Variants in DPP6 observed in about 807,000 individuals in gnomAD.
DPP6 encodes dipeptidyl peptidase like 6.
A neutral mutation model predicts 122.6 loss-of-function variants in DPP6; 69 were observed. The observed-to-expected ratio is 0.56, with a 90% CI of 0.46 to 0.69. The LOEUF (loss-of-function observed/expected upper bound fraction) is 0.69, where lower values mean the gene tolerates loss of function less well. DPP6 is among the 30% of genes least tolerant of loss of function. The pLI is 0.00. For missense variants in DPP6, 928 were observed against 1,116.9 expected, an observed-to-expected ratio of 0.83 and a Z score of 2.41; for synonymous variants, 418 against 433.1, an observed-to-expected ratio of 0.97 and a Z score of 0.43.
intron 1 of DPP6, among the ~76,000 whole-genome samples, chr7:154,397,868 C>T (rs888703430): frequency 6.6e-6 from 1 of 151,726 alleles, no homozygotes; most frequent in Non-Finnish European, 1.5e-5. Flanking sequence ...CTAATAAACA[C>T]CACTCTTTCC....
chr7:154,491,907 C>G (rs957021411), intron 3 of DPP6, among the ~76,000 whole-genome samples: 1 of 152,136 alleles, frequency 6.6e-6, no homozygotes, highest in Non-Finnish European at 1.5e-5. Context: ...GTTCCAGGAA[C>G]TTAATCTCTT....
At chr7:154,471,589 C>G (rs1822281226) in intron 2 of DPP6, among the ~76,000 whole-genome samples, 1 of 151,944 alleles carries the variant, frequency 6.6e-6, no homozygotes, top group South Asian at 2.1e-4. Flanking sequence ...AGAGCTGTTA[C>G]CTAGACAGAA....
intron 1 of DPP6, among the ~76,000 whole-genome samples, chr7:154,375,474 T>A (rs143355101): frequency 4.6e-3 from 707 of 152,228 alleles, no homozygotes; most frequent in Non-Finnish European, 6.7e-3. Flanking sequence ...GGTCCTAACC[T>A]CCACTGTGCT....
chr7:154,648,631 C>A (rs1002506514), intron 6 of DPP6, among the ~76,000 whole-genome samples: 1 of 152,042 alleles, frequency 6.6e-6, no homozygotes, highest in African/African-American at 2.4e-5. Context: ...ATAAAAATCA[C>A]GCTTTCGGCC....
chr7:154,770,379 A>C (rs1587086106), intron 9 of DPP6, among the ~76,000 whole-genome samples: 1 of 152,168 alleles, frequency 6.6e-6, no homozygotes, highest in Non-Finnish European at 1.5e-5. Flanking sequence ...ACCTGCTCCC[A>C]TGATTCAATT....
At chr7:153,925,548 A>T (rs1191331169) in intron 1 of DPP6, among the ~76,000 whole-genome samples, 1 of 151,750 alleles carries the variant, frequency 6.6e-6, no homozygotes, top group African/African-American at 2.4e-5. Context: ...CGAGGTTCTG[A>T]TGAGGGGAGA....
intron 1 of DPP6, among the ~76,000 whole-genome samples, chr7:154,341,187 C>T (rs1809895004): frequency 6.6e-6 from 1 of 152,090 alleles, no homozygotes. Flanking sequence ...CTGATGATGC[C>T]AAATAGGGTT....
intron 3 of DPP6, among the ~76,000 whole-genome samples, chr7:154,510,810 A>G (rs189312237): frequency 8.5e-5 from 13 of 152,242 alleles, no homozygotes; most frequent in African/African-American, 2.9e-4. Flanking sequence ...ACTAAATTAT[A>G]TACCTAACTG....
intron 12 of DPP6, among the ~76,000 whole-genome samples, chr7:154,800,418 A>C: frequency 6.6e-6 from 1 of 152,184 alleles, no homozygotes; most frequent in East Asian, 1.9e-4. Flanking sequence ...TACATCTCGC[A>C]ACCAACTAAT....
intron 1 of DPP6, among the ~76,000 whole-genome samples, chr7:154,397,995 C>T (rs1034570319): frequency 2.0e-5 from 3 of 152,146 alleles, no homozygotes; most frequent in Admixed American, 6.5e-5. Flanking sequence ...CCTAAAAATA[C>T]ATTTCTAGAT....
intron 1 of DPP6, among the ~76,000 whole-genome samples, chr7:154,062,209 G>A (rs1259819182): frequency 2.0e-5 from 2 of 101,258 alleles, no homozygotes; most frequent in African/African-American, 7.2e-5. Flanking sequence ...CTGGAGGACT[G>A]CGGGTGTTAG....
rs1312010653 is a variant in DPP6, at chr7:154,096,882, G to A, written c.243+43819G>A. ...TATAACAACAGCAGCAAAGGTCAAC[G>A]TGATTTATATTTTTAGAAAACCAGG... is the stretch of plus-strand genomic sequence containing the variant. On this transcript the variant is annotated intron_variant, in intron 1 of 25. Coordinates refer to ENST00000377770, the MANE Select transcript of DPP6 (RefSeq NM_130797.4). 2.6e-5 allele frequency among the ~76,000 whole-genome samples: 4 copies of A among 152,302 alleles called. No individual in the cohort carries two copies. In the East Asian group the frequency reaches 7.7e-4, roughly 29 times the overall value.
chr7:154,817,850 CTGAGTGATTGATGGATGATGTCA>C, intron 16 of DPP6, among the ~76,000 whole-genome samples: 1 of 28,480 alleles, frequency 3.5e-5, no homozygotes, highest in Non-Finnish European at 2.5e-4. Flanking sequence ...CATGAATGTC[CTGAGTGATTGATGGATGATGTCA>C]TGAATGTCCT....
intron 11 of DPP6, among the ~76,000 whole-genome samples, chr7:154,794,501 A>G (rs1478710680): frequency 6.6e-6 from 1 of 152,166 alleles, no homozygotes; most frequent in Non-Finnish European, 1.5e-5. Context: ...ATCCGCGCTC[A>G]CCGCTGTGAC....
At chr7:154,389,726 CA>C (rs1814447613) in intron 1 of DPP6, among the ~76,000 whole-genome samples, 1 of 152,056 alleles carries the variant, frequency 6.6e-6, no homozygotes, top group African/African-American at 2.4e-5. Context: ...TGGCAGTCCT[CA>C]AAATGTAATA....
At chr7:154,271,504 G>A (rs750273155) in intron 1 of DPP6, among the ~76,000 whole-genome samples, 36 of 152,190 alleles carry the variant, frequency 2.4e-4, no homozygotes, top group Non-Finnish European at 1.3e-4. Flanking sequence ...AGAAGTCCCA[G>A]CATGGACAGG....
At chr7:154,761,642 G>A (rs975306759) in intron 8 of DPP6, among the ~76,000 whole-genome samples, 62 of 152,324 alleles carry the variant, frequency 4.1e-4, no homozygotes, top group African/African-American at 1.5e-3. Flanking sequence ...GGTGCATCAC[G>A]TGGTGGGAGC....
At chr7:154,336,469 G>A (rs993935442) in intron 1 of DPP6, among the ~76,000 whole-genome samples, 34 of 152,144 alleles carry the variant, frequency 2.2e-4, no homozygotes, top group African/African-American at 8.0e-4. Context: ...CAGCCACACG[G>A]CCGCCACTCC....
chr7:154,033,754 TG>T (rs1200774171), intron 1 of DPP6, among the ~76,000 whole-genome samples: 1 of 152,236 alleles, frequency 6.6e-6, no homozygotes, highest in African/African-American at 2.4e-5. Context: ...AGTTCTTGTT[TG>T]GAAACCCAAC....
Sources: gnomAD v4.1 joint callset for allele counts (sites outside exome capture counted in the v4.1 genomes callset) on GRCh38, gnomAD v4.1.1 for gene constraint, MANE v1.5 for transcripts, NCBI Gene and HGNC (gene_info 2026-07-23, HGNC 2026-07-21) for gene names.